ATRNL1: variants seen among roughly 807,000 people sequenced by gnomAD.
The protein encoded by ATRNL1 is attractin like 1, also known as attractin-like protein 1.
A neutral mutation model predicts 182.7 loss-of-function variants in ATRNL1; 95 were observed. The ratio of observed to expected loss-of-function variants is 0.52; its 90% CI spans 0.44 to 0.62. ATRNL1 has a LOEUF of 0.62. Ranked by LOEUF, ATRNL1 falls within the 20% of genes least tolerant of loss-of-function variation. The pLI is 0.00. For missense variants in ATRNL1, 1,471 were observed against 1,679.5 expected, an observed-to-expected ratio of 0.88 and a Z score of 2.17; for synonymous variants, 576 against 568.3, an observed-to-expected ratio of 1.01 and a Z score of -0.19.
At chr10:115,436,290 T>C (rs1554964824) in intron 21 of ATRNL1, among the ~76,000 whole-genome samples, 1 of 152,160 alleles carries the variant, frequency 6.6e-6, no homozygotes, top group East Asian at 1.9e-4. Flanking sequence ...AGGTGGCTTC[T>C]GAATAGGTCA....
chr10:115,658,673 G>A (rs544824202), intron 26 of ATRNL1, among the ~76,000 whole-genome samples: 1 of 152,068 alleles, frequency 6.6e-6, no homozygotes, highest in African/African-American at 2.4e-5. Flanking sequence ...ACACTAGTGA[G>A]GTAAAGGTAT....
chr10:115,095,411 T>C (rs1461956542), intron 1 of ATRNL1, among the ~76,000 whole-genome samples: 2 of 151,710 alleles, frequency 1.3e-5, no homozygotes, highest in Non-Finnish European at 2.9e-5. Flanking sequence ...AAAATAAATG[T>C]CCCTTAAAAC....
intron 27 of ATRNL1, among the ~76,000 whole-genome samples, chr10:115,765,099 A>G (rs1188989371): frequency 6.6e-6 from 1 of 152,094 alleles, no homozygotes; most frequent in Non-Finnish European, 1.5e-5. Context: ...GTTGCTTCCA[A>G]GTTTTGACAA....
At chr10:115,872,011 A>G (rs1192008240) in intron 28 of ATRNL1, among the ~76,000 whole-genome samples, 1 of 152,200 alleles carries the variant, frequency 6.6e-6, no homozygotes, top group Non-Finnish European at 1.5e-5. Context: ...AATCAGATTT[A>G]TCATCCTGTG....
intron 28 of ATRNL1, among the ~76,000 whole-genome samples, chr10:115,917,867 CA>C (rs1449418869): frequency 6.6e-6 from 1 of 152,078 alleles, no homozygotes; most frequent in Non-Finnish European, 1.5e-5. Context: ...ATAGGGGCAA[CA>C]AAAGTCACTG....
At chr10:115,537,562 C>A (rs1852103986) in intron 25 of ATRNL1, among the ~76,000 whole-genome samples, 1 of 152,156 alleles carries the variant, frequency 6.6e-6, no homozygotes, top group African/African-American at 2.4e-5. Context: ...ATTAACTCCA[C>A]TGTTTAAAAT....
chr10:115,623,944 C>T lies in ATRNL1; in HGVS notation c.3795+74408C>T, dbSNP rs12248813. On this transcript the variant is annotated intron_variant, in intron 26 of 28. Coordinates refer to ENST00000355044, the MANE Select transcript of ATRNL1 (RefSeq NM_207303.4). ...CTAGGGCTCAGGATATTTTTAGGGA[C>T]GCATGAAAGGATTTAATTTTACTTT... Among the ~76,000 whole-genome samples, 1,346 of 151,712 alleles carry T rather than the reference C, an allele frequency of 8.9e-3. 23 individuals carry two copies. The highest frequency in any genetic ancestry group is 0.031 in the African/African-American group (1,266 of 41,364).
intron 21 of ATRNL1, among the ~76,000 whole-genome samples, chr10:115,433,306 A>T (rs1490212232): frequency 6.6e-6 from 1 of 152,150 alleles, no homozygotes; most frequent in Non-Finnish European, 1.5e-5. Context: ...TGACCCTTAT[A>T]TTTAATGGAA....
intron 17 of ATRNL1, among the ~76,000 whole-genome samples, chr10:115,315,028 A>G (rs1271655576): frequency 6.6e-6 from 1 of 152,178 alleles, no homozygotes; most frequent in Non-Finnish European, 1.5e-5. Context: ...TGTGAGGAGC[A>G]TTGTCCATAA....
chr10:115,695,832 C>T (rs1442926334), intron 26 of ATRNL1, among the ~76,000 whole-genome samples: 1 of 152,006 alleles, frequency 6.6e-6, no homozygotes, highest in Non-Finnish European at 1.5e-5. Flanking sequence ...CATCCATGTT[C>T]CTGAAAGGAT....
chr10:115,645,286 T>A (rs933361074), intron 26 of ATRNL1, among the ~76,000 whole-genome samples: 23 of 151,194 alleles, frequency 1.5e-4, no homozygotes, highest in East Asian at 3.9e-4. Context: ...TCATTTTTTT[T>A]AAAAAAAGTA....
At chr10:115,701,074 A>C (rs930096161) in intron 26 of ATRNL1, among the ~76,000 whole-genome samples, 2 of 152,090 alleles carry the variant, frequency 1.3e-5, no homozygotes. Context: ...AAGTCTCAAT[A>C]AATTTTTGAA....
intron 24 of ATRNL1, among the ~76,000 whole-genome samples, chr10:115,497,959 T>C (rs1369074970): frequency 2.6e-5 from 4 of 152,148 alleles, no homozygotes; most frequent in Non-Finnish European, 5.9e-5. Flanking sequence ...CCTGGCCTAC[T>C]GCACTTTTTA....
chr10:115,350,334 C>CAAAAAAAAACAAAAAA (rs1856177471), intron 19 of ATRNL1, among the ~76,000 whole-genome samples: 1 of 29,732 alleles, frequency 3.4e-5, no homozygotes, highest in Non-Finnish European at 5.2e-5. Context: ...GACTCTGTCT[C>CAAAAAAAAACAAAAAA]AAAAAAAAAA....
chr10:115,851,058 T>C (rs1298155220), intron 28 of ATRNL1, among the ~76,000 whole-genome samples: 2 of 152,240 alleles, frequency 1.3e-5, no homozygotes, highest in Non-Finnish European at 1.5e-5. Flanking sequence ...AAAAGTCTTA[T>C]AGTACTTTGC....
At chr10:115,700,888 G>A (rs957161716) in intron 26 of ATRNL1, among the ~76,000 whole-genome samples, 1 of 152,048 alleles carries the variant, frequency 6.6e-6, no homozygotes, top group Admixed American at 6.6e-5. Context: ...AACAGCATTA[G>A]ATAGATCATC....
At chr10:115,299,926 T>C in intron 15 of ATRNL1, 108 bp from the exon 16 acceptor site, 1 of 746,792 alleles carries the variant, frequency 1.3e-6, no homozygotes, top group Non-Finnish European at 2.2e-6. Flanking sequence ...AAGGCAGCTT[T>C]ATATATTTTC....
At chr10:115,905,416 G>A (rs1235292305) in intron 28 of ATRNL1, among the ~76,000 whole-genome samples, 2 of 150,300 alleles carry the variant, frequency 1.3e-5, no homozygotes, top group Non-Finnish European at 3.0e-5. Flanking sequence ...GTTTTGTAGA[G>A]GCAGGGTCTT....
At chr10:115,923,614 A>G (rs1953132970) in intron 28 of ATRNL1, among the ~76,000 whole-genome samples, 1 of 152,186 alleles carries the variant, frequency 6.6e-6, no homozygotes, top group Non-Finnish European at 1.5e-5. Flanking sequence ...GTAGTATTCC[A>G]TGGTGTATAT....
Sources: allele counts gnomAD v4.1 joint callset (sites outside exome capture counted in the v4.1 genomes callset), GRCh38; gene constraint gnomAD v4.1.1; transcripts MANE v1.5; gene names NCBI Gene and HGNC (gene_info 2026-07-23, HGNC 2026-07-21).